Variants in RPTOR observed in about 807,000 individuals in gnomAD.
The protein encoded by RPTOR is regulatory associated protein of MTOR complex 1.
In RPTOR, 21 loss-of-function variants were observed where a neutral mutation model predicts 169.9. The observed-to-expected ratio is 0.12, with a 90% CI of 0.09 to 0.18. The LOEUF (loss-of-function observed/expected upper bound fraction) is 0.18. Among genes scored for constraint, RPTOR ranks in the 10% least tolerant of loss-of-function variants. The pLI is 1.00. For missense variants in RPTOR, 1,133 were observed against 1,855.9 expected (o/e 0.61, Z 7.16); for synonymous variants, 732 against 753.2 (o/e 0.97, Z 0.46).
At chr17:80,554,458 C>T (rs576022210) in intron 1 of RPTOR, among the ~76,000 whole-genome samples, 1 of 152,080 alleles carries the variant, frequency 6.6e-6, no homozygotes, top group African/African-American at 2.4e-5. Context: ...AAATGAGAAT[C>T]CAAGGTGGGG....
intron 11 of RPTOR, among the ~76,000 whole-genome samples, chr17:80,851,333 G>A (rs1338691361): frequency 4.6e-5 from 7 of 152,144 alleles, no homozygotes; most frequent in Admixed American, 6.5e-5. Context: ...ATCGTGGGAT[G>A]GTCCGGAACA....
chr17:80,762,253 A>AC (rs1201695190), intron 6 of RPTOR, among the ~76,000 whole-genome samples: 1 of 152,108 alleles, frequency 6.6e-6, no homozygotes, highest in African/African-American at 2.4e-5. Context: ...CCCCGGCTGA[A>AC]CCCCGTCCTC....
chr17:80,822,418 A>G, intron 8 of RPTOR, 117 bp downstream of exon 8: 1 of 1,017,202 alleles, frequency 9.8e-7, no homozygotes, highest in African/African-American at 1.6e-5. Flanking sequence ...AGTGAGGAAG[A>G]CAGTGGGAGG....
At chr17:80,679,088 A>C (rs1021028565) in intron 3 of RPTOR, among the ~76,000 whole-genome samples, 7 of 152,220 alleles carry the variant, frequency 4.6e-5, no homozygotes, top group African/African-American at 1.4e-4. Context: ...TCTGCATGAA[A>C]GGCAGGTCTC....
chr17:80,603,914 T>TGA (rs927800662), intron 1 of RPTOR, among the ~76,000 whole-genome samples: 3 of 152,168 alleles, frequency 2.0e-5, no homozygotes, highest in Admixed American at 2.0e-4. Context: ...GGAAAACAGT[T>TGA]GAGGCACAGC....
intron 6 of RPTOR, among the ~76,000 whole-genome samples, chr17:80,786,318 G>T (rs2066990842): frequency 6.6e-6 from 1 of 152,014 alleles, no homozygotes; most frequent in African/African-American, 2.4e-5. Flanking sequence ...CTTTTTTATG[G>T]TAAATACATG....
Position 80,730,118 on chromosome 17 carries a change from G to GT in RPTOR, c.508-436dup, listed in dbSNP as rs2066377387. Among the ~76,000 whole-genome samples the GT allele has an allele frequency of 6.6e-6, 1 of 152,128 alleles. No homozygotes were observed. ...GGAGAAATTCAGTTTGATGGTTTTTGTTTTTTGAGACTGAGTCTCGCTCTG... is the reference window on the plus strand; with the variant it reads ...GGAGAAATTCAGTTTGATGGTTTTTGTTTTTTTGAGACTGAGTCTCGCTCTG... On this transcript the variant is annotated intron_variant, in intron 4 of 33. Transcript: ENST00000306801. This position sits in a 1 kb window ranked among gnomAD's most constrained non-coding sequence, Gnocchi z 4.2.
At chr17:80,859,774 C>T (rs1050289526) in intron 13 of RPTOR, among the ~76,000 whole-genome samples, 4 of 152,242 alleles carry the variant, frequency 2.6e-5, no homozygotes, top group Admixed American at 1.3e-4. Flanking sequence ...GTGTGTGTGG[C>T]GCCCTGTCAG....
At position 80,721,005 on chromosome 17, in the gene RPTOR, C is replaced by T. The variant is rs1388806730; in HGVS notation, c.508-9555C>T. 6.6e-6 allele frequency among the ~76,000 whole-genome samples: 1 copy of T among 150,998 alleles called. No homozygotes were observed. Among genetic ancestry groups the T allele is most frequent in the Non-Finnish European group, 1.5e-5 (1 of 68,016 alleles). ...TTCCCCGACCCCTTGTTTTCCATCT[C>T]TAATTTTAGCCGTCTAGGGCAGAAA... On this transcript the variant is annotated intron_variant, in intron 4 of 33. Coordinates refer to ENST00000306801, the MANE Select transcript of RPTOR (RefSeq NM_020761.3). This position sits in a 1 kb window ranked among gnomAD's most constrained non-coding sequence, Gnocchi z 4.7.
At chr17:80,894,002 G>A in intron 20 of RPTOR, 137 bp downstream of exon 20, 1 of 895,348 alleles carries the variant, frequency 1.1e-6, no homozygotes. Context: ...AAGGTCAACA[G>A]GACTGCGAGG....
intron 1 of RPTOR, among the ~76,000 whole-genome samples, chr17:80,552,961 T>G (rs766327430): frequency 2.0e-5 from 3 of 152,232 alleles, no homozygotes; most frequent in Admixed American, 6.5e-5. Flanking sequence ...ATGTGCCCTG[T>G]GCACTGGGGC....
chr17:80,922,700 A>G (rs746375922), intron 21 of RPTOR, 24 bp from the exon 22 acceptor site: 4 of 1,552,790 alleles, frequency 2.6e-6, no homozygotes, highest in Non-Finnish European at 2.6e-6. Flanking sequence ...TCTGACCTTC[A>G]CACCCCCATT....
Position 80,845,743 on chromosome 17 carries a change from C to A in RPTOR, c.1213-730C>A, listed in dbSNP as rs533678849. On this transcript the variant is annotated intron_variant, in intron 10 of 33. Transcript: ENST00000306801. The surrounding 1 kb of genome is among the most constrained non-coding windows in gnomAD (Gnocchi z 5.4). Reference sequence around the variant, plus strand: ...AGCCACCACCTGTCTGTCTTGTTCCCCTTTGCAACCAAAACCAAATTCACC... The same window carrying A: ...AGCCACCACCTGTCTGTCTTGTTCCACTTTGCAACCAAAACCAAATTCACC... Among the ~76,000 whole-genome samples the A allele has an allele frequency of 6.6e-6, 1 of 152,350 alleles. No individual in the cohort carries two copies. Among genetic ancestry groups the A allele is most frequent in the Admixed American group, 6.5e-5 (1 of 15,308 alleles).
chr17:80,778,072 C>T (rs572067122), intron 6 of RPTOR, among the ~76,000 whole-genome samples: 4 of 152,124 alleles, frequency 2.6e-5, no homozygotes, highest in Non-Finnish European at 5.9e-5. Context: ...TAAAAGTTTG[C>T]CATTTTACTT....
At position 80,582,392 on chromosome 17, in the gene RPTOR, A is replaced by C. The variant is rs2143366943; in HGVS notation, c.162+36601A>C. On this transcript the variant is annotated intron_variant, in intron 1 of 33. Transcript: ENST00000306801. ...CCTGAGTGCAGACCCAGCAGGTTGG[A>C]ACCACTTCTTTTCTGTTCCCTGAAC... is the stretch of plus-strand genomic sequence containing the variant. Among the ~76,000 whole-genome samples the C allele has an allele frequency of 2.0e-5, 3 of 152,252 alleles. No homozygotes were observed. The Middle Eastern group carries it at 0.01, about 518-fold the overall frequency.
chr17:80,945,316 G>A (rs963471748), intron 25 of RPTOR, among the ~76,000 whole-genome samples: 10 of 151,320 alleles, frequency 6.6e-5, no homozygotes, highest in East Asian at 2.0e-4. Flanking sequence ...AAAGGGGCCC[G>A]GCGCGGTGGC....
intron 17 of RPTOR, among the ~76,000 whole-genome samples, chr17:80,887,487 G>A (rs1188606965): frequency 5.3e-5 from 8 of 152,258 alleles, no homozygotes; most frequent in South Asian, 2.1e-4. Flanking sequence ...GGGCAGGCAC[G>A]GTGCTCTGCA....
chr17:80,746,223 G>T lies in RPTOR; in HGVS notation c.655-7787G>T. Among the ~76,000 whole-genome samples, 1 of 142,550 alleles carries T rather than the reference G, an allele frequency of 7.0e-6. No homozygotes were observed. Among genetic ancestry groups the T allele is most frequent in the South Asian group, 2.2e-4 (1 of 4,582 alleles). 93.5% of individuals were successfully genotyped at this position (142,550 alleles called of 152,430 possible). ...CACCGCCCCCACAGCGGTGCTTTCTGCGGGTGATCCCCACCGCCCCCACAG... is the reference window on the plus strand; with the variant it reads ...CACCGCCCCCACAGCGGTGCTTTCTTCGGGTGATCCCCACCGCCCCCACAG... On this transcript the variant is annotated intron_variant, in intron 5 of 33. Transcript: ENST00000306801. The surrounding 1 kb of genome is among the most constrained non-coding windows in gnomAD (Gnocchi z 4.5).
intron 5 of RPTOR, among the ~76,000 whole-genome samples, chr17:80,748,185 TGCG>T (rs2066595691): frequency 1.0e-5 from 1 of 96,778 alleles, no homozygotes; most frequent in Non-Finnish European, 2.0e-5. Flanking sequence ...ATGGAGGGGC[TGCG>T]GTGTGTGTTT....
Sources: gnomAD v4.1 joint callset for allele counts (sites outside exome capture counted in the v4.1 genomes callset) on GRCh38, gnomAD v4.1.1 for gene constraint, Gnocchi (gnomAD v3.1) non-coding constraint, MANE v1.5 for transcripts, NCBI Gene and HGNC (gene_info 2026-07-23, HGNC 2026-07-21) for gene names.